CLVS1: variants seen among roughly 807,000 people sequenced by gnomAD.
The protein encoded by CLVS1 is clavesin 1.
CLVS1 carries 10 observed loss-of-function variants against 33.1 expected under a neutral mutation model. The ratio of observed to expected loss-of-function variants is 0.30; its 90% CI spans 0.19 to 0.51. The LOEUF (loss-of-function observed/expected upper bound fraction) is 0.51, where lower values mean the gene tolerates loss of function less well. Ranked by LOEUF, CLVS1 falls within the 20% of genes least tolerant of loss-of-function variation. The pLI is 0.97. For missense variants in CLVS1, 343 were observed against 433.4 expected (o/e 0.79, Z 1.85); for synonymous variants, 163 against 166.1 (o/e 0.98, Z 0.14).
chr8:61,389,419 T>C (rs1301335065), intron 3 of CLVS1, among the ~76,000 whole-genome samples: 5 of 152,096 alleles, frequency 3.3e-5, no homozygotes, highest in Non-Finnish European at 2.9e-5. Context: ...CACATGCCTG[T>C]AGTCCCAGCT....
chr8:61,465,154 A>G, intron 5 of CLVS1: 1 of 152,380 alleles, frequency 6.6e-6, no homozygotes. Context: ...GTAAGATGAC[A>G]TAGGTCTGCC....
chr8:61,202,807 C>A, intron 2 of CLVS1: 1 of 1,320,382 alleles, frequency 7.6e-7, no homozygotes, highest in Non-Finnish European at 1.1e-6. Flanking sequence ...CAAGCTTCCA[C>A]AGAAAAAAGT....
At chr8:61,001,922 C>T in the CLVS1 span, among the ~76,000 whole-genome samples, 36 of 152,140 alleles carry the variant, frequency 2.4e-4, no homozygotes, top group African/African-American at 7.0e-4. Flanking sequence ...CTCAATCTGT[C>T]GACTGTAATT....
chr8:61,043,936 G>A, the CLVS1 span, among the ~76,000 whole-genome samples: 1 of 152,136 alleles, frequency 6.6e-6, no homozygotes, highest in East Asian at 1.9e-4. Flanking sequence ...AAGAAAGTAA[G>A]GAATAAATGA....
At chr8:61,368,821 A>G (rs1813316117) in intron 2 of CLVS1, among the ~76,000 whole-genome samples, 1 of 152,228 alleles carries the variant, frequency 6.6e-6, no homozygotes, top group South Asian at 2.1e-4. Context: ...GTATTCTTGA[A>G]TTACAATTAA....
At chr8:61,450,318 A>C (rs1041070524) in intron 3 of CLVS1, among the ~76,000 whole-genome samples, 1 of 152,214 alleles carries the variant, frequency 6.6e-6, no homozygotes, top group African/African-American at 2.4e-5. Flanking sequence ...AAAAGCAAAA[A>C]AAACTTATGC....
chr8:61,288,255 T>C, intron 1 of CLVS1, 117 bp downstream of exon 1: 1 of 456,512 alleles, frequency 2.2e-6, no homozygotes, highest in Non-Finnish European at 4.4e-6. Flanking sequence ...AGCTCCCATC[T>C]GCAATCCCTC....
the CLVS1 span, among the ~76,000 whole-genome samples, chr8:60,994,821 A>G: frequency 6.6e-6 from 1 of 152,174 alleles, no homozygotes; most frequent in South Asian, 2.1e-4. Flanking sequence ...AGAGATATAG[A>G]TCAATGGAAC....
At chr8:61,471,379 CT>C (rs1440110274) in intron 5 of CLVS1, among the ~76,000 whole-genome samples, 1 of 152,120 alleles carries the variant, frequency 6.6e-6, no homozygotes, top group African/African-American at 2.4e-5. Context: ...GTTTTGATTT[CT>C]TTCCAAATAA....
At chr8:61,291,816 G>T (rs1205389606) in intron 1 of CLVS1, among the ~76,000 whole-genome samples, 1 of 152,118 alleles carries the variant, frequency 6.6e-6, no homozygotes, top group African/African-American at 2.4e-5. Flanking sequence ...TGCTCCATAG[G>T]TAAAGAACAC....
chr8:60,984,456 G>T, the CLVS1 span, among the ~76,000 whole-genome samples: 1 of 151,908 alleles, frequency 6.6e-6, no homozygotes, highest in Non-Finnish European at 1.5e-5. Flanking sequence ...GAGTAGCTGA[G>T]ATCTGAGATT....
At chr8:61,284,824 T>C (rs1047105542), upstream of CLVS1, among the ~76,000 whole-genome samples, 2 of 152,182 alleles carry the variant, frequency 1.3e-5, no homozygotes, top group African/African-American at 4.8e-5. Flanking sequence ...TCATGTCTAC[T>C]TAAAATCTCT....
At chr8:61,478,281 A>T (rs1818033916) in intron 5 of CLVS1, among the ~76,000 whole-genome samples, 1 of 152,172 alleles carries the variant, frequency 6.6e-6, no homozygotes, top group African/African-American at 2.4e-5. Flanking sequence ...TGCTGAGAAG[A>T]ATGTATATTC....
At chr8:61,186,531 T>C (rs12541524) in intron 2 of CLVS1, among the ~76,000 whole-genome samples, 13,902 of 152,150 alleles carry the variant, frequency 0.091, 1,030 homozygotes, top group African/African-American at 0.19. Flanking sequence ...TCTTTTGGAA[T>C]CAGGGCCAAT....
chr8:61,221,608 G>T (rs56061515), intron 2 of CLVS1, among the ~76,000 whole-genome samples: 3,665 of 152,230 alleles, frequency 0.024, 50 homozygotes, highest in East Asian at 0.056. Flanking sequence ...GAGGATTTTT[G>T]CATCGACATT....
intron 4 of CLVS1, among the ~76,000 whole-genome samples, chr8:61,455,186 G>GTGTA (rs71747625): frequency 6.7e-6 from 1 of 149,684 alleles, no homozygotes; most frequent in East Asian, 1.9e-4. Flanking sequence ...ATTTGTGTGT[G>GTGTA]TGTGTGTGTG....
intron 1 of CLVS1, among the ~76,000 whole-genome samples, chr8:61,119,440 G>A (rs1279706802): frequency 3.9e-4 from 57 of 147,532 alleles, no homozygotes; most frequent in East Asian, 1.0e-3. Context: ...TATTTTGCTC[G>A]TTAGTTGATG....
intron 2 of CLVS1, among the ~76,000 whole-genome samples, chr8:61,259,509 A>G (rs1007585200): frequency 6.6e-6 from 1 of 152,224 alleles, no homozygotes; most frequent in African/African-American, 2.4e-5. Flanking sequence ...CAAGGCATCT[A>G]TCATATGCAG....
intron 5 of CLVS1, among the ~76,000 whole-genome samples, chr8:61,477,979 T>G (rs1439734286): frequency 6.7e-6 from 1 of 150,122 alleles, no homozygotes. Context: ...AATGTGTCCC[T>G]CTACACACTG....
Sources: allele counts gnomAD v4.1 joint callset (sites outside exome capture counted in the v4.1 genomes callset), GRCh38; gene constraint gnomAD v4.1.1; transcripts MANE v1.5; gene names NCBI Gene and HGNC (gene_info 2026-07-23, HGNC 2026-07-21).